The following SLC35F3 variants were observed in gnomAD, a reference collection of about 807,000 sequenced individuals.
SLC35F3 encodes the protein solute carrier family 35 member F3, also known as putative thiamine transporter SLC35F3.
Under a neutral mutation model 49.9 loss-of-function variants are expected in SLC35F3, and 25 were observed. That is an observed-to-expected ratio of 0.50 (90% CI 0.37 to 0.70). The LOEUF (loss-of-function observed/expected upper bound fraction) is 0.70, where lower values mean the gene tolerates loss of function less well. Ranked by LOEUF, SLC35F3 falls within the 30% of genes least tolerant of loss-of-function variation. The pLI is 0.00. For synonymous variants in SLC35F3, 275 were observed against 265.4 expected, an observed-to-expected ratio of 1.04 and a Z score of -0.35; for missense variants, 525 against 639.8, an observed-to-expected ratio of 0.82 and a Z score of 1.94.
intron 2 of SLC35F3, among the ~76,000 whole-genome samples, chr1:234,221,508 G>C (rs531228869): frequency 6.6e-6 from 1 of 152,212 alleles, no homozygotes; most frequent in Non-Finnish European, 1.5e-5. Flanking sequence ...TAAGGGAGCT[G>C]TGCTGGTGAC....
chr1:233,923,859 G>T (rs1481861602), intron 2 of SLC35F3, among the ~76,000 whole-genome samples: 1 of 152,214 alleles, frequency 6.6e-6, no homozygotes, highest in African/African-American at 2.4e-5. Flanking sequence ...ATGAAGGGCT[G>T]TTGAATTTTG....
intron 2 of SLC35F3, among the ~76,000 whole-genome samples, chr1:233,990,509 T>A (rs1450320274): frequency 6.6e-6 from 1 of 152,220 alleles, no homozygotes; most frequent in Non-Finnish European, 1.5e-5. Flanking sequence ...CACTTTGAGT[T>A]GTAAAATCAG....
chr1:234,073,278 G>A lies in SLC35F3; in HGVS notation c.284-158139G>A, dbSNP rs571740772. ...CCCACCTCAGCTTCCCATGTATGTG[G>A]AACTATAGCCATGAGCCACCAAGTC... is the stretch of plus-strand genomic sequence containing the variant. On this transcript the variant is annotated intron_variant, in intron 2 of 7. Transcript: ENST00000366618. 2.6e-5 allele frequency among the ~76,000 whole-genome samples: 4 copies of A among 152,160 alleles called. No individual in the cohort carries two copies. In the East Asian group the frequency reaches 7.7e-4, roughly 29 times the overall value.
chr1:234,080,232 GGT>G (rs1664854939), intron 2 of SLC35F3, among the ~76,000 whole-genome samples: 1 of 152,150 alleles, frequency 6.6e-6, no homozygotes, highest in Admixed American at 6.5e-5. Context: ...CTTCCAGGTT[GGT>G]GAGCAAATCA....
intron 3 of SLC35F3, among the ~76,000 whole-genome samples, chr1:234,247,814 C>CAGTTGGCTGGTTCATTGTTTG (rs1558272687): frequency 3.9e-5 from 5 of 129,072 alleles, no homozygotes; most frequent in African/African-American, 1.5e-4. Flanking sequence ...TCCATTGTTT[C>CAGTTGGCTGGTTCATTGTTTG]ATGGGTCAGT....
chr1:234,202,901 A>G (rs1666919377), intron 2 of SLC35F3, among the ~76,000 whole-genome samples: 1 of 152,230 alleles, frequency 6.6e-6, no homozygotes, highest in South Asian at 2.1e-4. Context: ...GCAGGAAGAA[A>G]AGGGAACTAA....
chr1:233,971,824 G>A (rs1225772087), intron 2 of SLC35F3, among the ~76,000 whole-genome samples: 1 of 152,070 alleles, frequency 6.6e-6, no homozygotes, highest in African/African-American at 2.4e-5. Context: ...GGCATCGACT[G>A]CATGAGAGGG....
At chr1:234,054,982 TGCTACCTGA>T (rs1449309490) in intron 2 of SLC35F3, among the ~76,000 whole-genome samples, 1 of 152,192 alleles carries the variant, frequency 6.6e-6, no homozygotes. Flanking sequence ...CGGCAAATGT[TGCTACCTGA>T]TCATTCCTCT....
intron 2 of SLC35F3, among the ~76,000 whole-genome samples, chr1:234,167,955 C>T (rs1454253401): frequency 6.6e-6 from 1 of 152,174 alleles, no homozygotes; most frequent in African/African-American, 2.4e-5. Context: ...GGCCTATAGC[C>T]CCTGTTAGAA....
At chr1:233,920,286 C>T (rs1662038147) in intron 2 of SLC35F3, among the ~76,000 whole-genome samples, 1 of 152,052 alleles carries the variant, frequency 6.6e-6, no homozygotes, top group African/African-American at 2.4e-5. Flanking sequence ...GGAGTGGGAG[C>T]AATTGATTGG....
intron 2 of SLC35F3, among the ~76,000 whole-genome samples, chr1:234,001,375 A>G (rs1399217196): frequency 1.3e-5 from 2 of 152,206 alleles, no homozygotes. Context: ...GTGAGGCAAT[A>G]GTGGTTGCTG....
intron 2 of SLC35F3, among the ~76,000 whole-genome samples, chr1:234,087,630 G>A (rs1160571125): frequency 6.6e-6 from 1 of 152,102 alleles, no homozygotes; most frequent in Non-Finnish European, 1.5e-5. Flanking sequence ...AACAGCTTTG[G>A]TGAGCCTTTC....
At chr1:234,020,451 T>C (rs1217517010) in intron 2 of SLC35F3, among the ~76,000 whole-genome samples, 1 of 152,166 alleles carries the variant, frequency 6.6e-6, no homozygotes, top group Non-Finnish European at 1.5e-5. Flanking sequence ...AAATCTAATA[T>C]GCAGGAAACA....
chr1:234,139,961 A>AAATAAAATAAAATAAAATAAAAT lies in SLC35F3; in HGVS notation c.284-91453_284-91431dup, dbSNP rs1479154971. 3.4e-4 allele frequency among the ~76,000 whole-genome samples: 44 copies of AAATAAAATAAAATAAAATAAAAT among 129,350 alleles called. 1 individual carries two copies. Among genetic ancestry groups the AAATAAAATAAAATAAAATAAAAT allele is most frequent in the African/African-American group, 1.3e-3 (44 of 32,756 alleles). 84.9% of individuals were successfully genotyped at this position (129,350 alleles called of 152,430 possible). ...GACTCCATCTCAAAATAATAAAATA[A>AAATAAAATAAAATAAAATAAAAT]AATAAAATAAAATAAAATAAAATAA... On this transcript the variant is annotated intron_variant, in intron 2 of 7. Coordinates refer to ENST00000366618, the MANE Select transcript of SLC35F3 (RefSeq NM_173508.4).
intron 2 of SLC35F3, among the ~76,000 whole-genome samples, chr1:234,185,129 T>C (rs1405233295): frequency 6.6e-6 from 1 of 152,022 alleles, no homozygotes; most frequent in Non-Finnish European, 1.5e-5. Flanking sequence ...ATGAGACAAA[T>C]ACTTGCAGAA....
chr1:234,251,057 G>A (rs905620065), intron 3 of SLC35F3, among the ~76,000 whole-genome samples: 1 of 152,090 alleles, frequency 6.6e-6, no homozygotes, highest in Non-Finnish European at 1.5e-5. Flanking sequence ...CCTCCTGCTT[G>A]GAACAGATGA....
intron 3 of SLC35F3, among the ~76,000 whole-genome samples, chr1:234,266,885 T>TTG (rs1553259675): frequency 7.6e-5 from 11 of 145,520 alleles, no homozygotes; most frequent in African/African-American, 2.2e-4. Context: ...TTTTTTTTTT[T>TTG]TTTTTTTTTT....
At chr1:233,981,406 AT>A (rs1357083545) in intron 2 of SLC35F3, among the ~76,000 whole-genome samples, 2 of 152,160 alleles carry the variant, frequency 1.3e-5, no homozygotes, top group African/African-American at 2.4e-5. Context: ...ACATGGAATC[AT>A]ATCGTATAAT....
chr1:234,261,261 C>T (rs190224286), intron 3 of SLC35F3, among the ~76,000 whole-genome samples: 2,469 of 152,230 alleles, frequency 0.016, 68 homozygotes, highest in African/African-American at 0.057. Flanking sequence ...AATAAAAGAA[C>T]GGCCACTCCA....
Sources: gnomAD v4.1 joint callset for allele counts (sites outside exome capture counted in the v4.1 genomes callset) on GRCh38, gnomAD v4.1.1 for gene constraint, MANE v1.5 for transcripts, NCBI Gene and HGNC (gene_info 2026-07-23, HGNC 2026-07-21) for gene names.